The following NPAS2 variants were observed in gnomAD, a reference collection of about 807,000 sequenced individuals.
NPAS2 encodes the protein neuronal PAS domain-containing protein 2.
A neutral mutation model predicts 107.5 loss-of-function variants in NPAS2; 23 were observed. The observed-to-expected ratio is 0.21, with a 90% CI of 0.15 to 0.30. NPAS2 has a LOEUF of 0.30. Among genes scored for constraint, NPAS2 ranks in the 10% least tolerant of loss-of-function variants. The probability of loss-of-function intolerance (pLI) is 1.00; values close to 1 mark genes in which losing one functional copy is unlikely to be tolerated. For missense variants in NPAS2, 756 were observed against 1,043.3 expected (o/e 0.72, Z 3.79); for synonymous variants, 403 against 417.5 (o/e 0.97, Z 0.42).
In NPAS2 at chr2:100,925,894, T is replaced by C. The variant is rs138814175; in HGVS notation, c.181+600T>C. Among the ~76,000 whole-genome samples, 1,016 of 152,270 alleles carry C rather than the reference T, an allele frequency of 6.7e-3. 10 individuals are homozygous for C. The highest frequency in any genetic ancestry group is 0.023 in the African/African-American group (964 of 41,564). On this transcript the variant is annotated intron_variant, in intron 3 of 20. Coordinates refer to ENST00000335681, the MANE Select transcript of NPAS2 (RefSeq NM_002518.4). ...GTGTAACCATCACCACTCTCTAATT[T>C]CATCATGCCAAAAAAGAAACCCTGT...
rs561584873 is a variant in NPAS2, at chr2:100,888,909, C to T, written c.-22-15824C>T. ...GGGTGAATTATGCCTTAACTGGGGC[C>T]ACTTCTTTAGACATTTGCAGAAGGA... On this transcript the variant is annotated intron_variant, in intron 1 of 20. Transcript: ENST00000335681. Among the ~76,000 whole-genome samples the T allele has an allele frequency of 9.9e-4, 150 of 152,256 alleles. 1 individual carries two copies. Among genetic ancestry groups the T allele is most frequent in the African/African-American group, 3.4e-3 (142 of 41,548 alleles).
intron 1 of NPAS2, among the ~76,000 whole-genome samples, chr2:100,878,832 C>T (rs781751765): frequency 5.3e-5 from 8 of 152,052 alleles, no homozygotes; most frequent in Non-Finnish European, 8.8e-5. Flanking sequence ...AAGAAAATGC[C>T]TTCTGGCCAG....
intron 2 of NPAS2, among the ~76,000 whole-genome samples, chr2:100,920,012 T>G (rs1016235138): frequency 6.6e-6 from 1 of 152,180 alleles, no homozygotes; most frequent in Non-Finnish European, 1.5e-5. Flanking sequence ...CATTGCCGCC[T>G]CCTCCATATC....
intron 2 of NPAS2, among the ~76,000 whole-genome samples, chr2:100,916,623 G>T (rs1398279773): frequency 1.3e-5 from 2 of 152,136 alleles, no homozygotes; most frequent in African/African-American, 4.8e-5. Context: ...GAAGAAGTTA[G>T]ATGAGTCTTT....
intron 3 of NPAS2, among the ~76,000 whole-genome samples, chr2:100,929,613 G>A (rs183909584): frequency 3.9e-5 from 6 of 152,326 alleles, no homozygotes; most frequent in Admixed American, 2.0e-4. Flanking sequence ...TTGCAAGCCA[G>A]TTGACATCAA....
At chr2:100,915,082 C>T (rs897066983) in intron 2 of NPAS2, among the ~76,000 whole-genome samples, 3 of 152,176 alleles carry the variant, frequency 2.0e-5, no homozygotes, top group African/African-American at 4.8e-5. Flanking sequence ...TAAATCTGCC[C>T]TTTTTTGTTT....
At chr2:100,972,655 C>T (rs1178743394) in intron 12 of NPAS2, 1 of 152,244 alleles carries the variant, frequency 6.6e-6, no homozygotes, top group Non-Finnish European at 1.5e-5. Context: ...TGATAGGACG[C>T]AGCTGACATT....
chr2:100,851,854 G>A (rs772492588), intron 1 of NPAS2, among the ~76,000 whole-genome samples: 65 of 152,114 alleles, frequency 4.3e-4, no homozygotes, highest in Non-Finnish European at 7.5e-4. Flanking sequence ...TTTTGAATGA[G>A]TGAGTAGTCT....
At chr2:100,876,612 T>C (rs1435968085) in intron 1 of NPAS2, among the ~76,000 whole-genome samples, 5 of 152,216 alleles carry the variant, frequency 3.3e-5, no homozygotes, top group Non-Finnish European at 7.3e-5. Flanking sequence ...TGGTGACTCA[T>C]GAAGAGCTTA....
intron 2 of NPAS2, among the ~76,000 whole-genome samples, chr2:100,911,585 T>G (rs7570190): frequency 0.17 from 25,214 of 152,090 alleles, 2,196 homozygotes; most frequent in Middle Eastern, 0.27. Flanking sequence ...AGATAGCCAC[T>G]GTTAATATTA....
Position 100,975,477 on chromosome 2 carries a change from G to T in NPAS2, c.1302G>T (p.Met434Ile). The T allele has an allele frequency of 6.2e-7, 1 of 1,613,160 alleles. No individual in the cohort carries two copies. The highest frequency in any genetic ancestry group is 8.5e-7 in the Non-Finnish European group (1 of 1,179,540). Residue 434 changes from methionine to isoleucine, a missense_variant, in exon 14 of 21, where the codon ATG becomes ATT. Met to Ile is a conservative substitution (Grantham distance 10). This residue lies in a region of NPAS2 where 496 missense variants were observed against 594.4 expected (regional missense o/e 0.83). Coordinates refer to ENST00000335681, the MANE Select transcript of NPAS2 (RefSeq NM_002518.4). Reference protein sequence around the residue: ...SEPTSTPTKLMAEASTPALPR... With the variant: ...SEPTSTPTKLIAEASTPALPR... ...TTACAGCCACTCCCACCAAGCTGATGGCAGAGGCCAGCACCCCGGCTTTGC... is the reference window on the plus strand; with the variant it reads ...TTACAGCCACTCCCACCAAGCTGATTGCAGAGGCCAGCACCCCGGCTTTGC...
chr2:100,920,266 GTGT>G (rs1683137982), intron 2 of NPAS2, among the ~76,000 whole-genome samples: 1 of 152,172 alleles, frequency 6.6e-6, no homozygotes, highest in African/African-American at 2.4e-5. Context: ...ATAACGTACA[GTGT>G]TGTATATTTC....
At chr2:100,920,736 C>T (rs184599465) in intron 2 of NPAS2, among the ~76,000 whole-genome samples, 11 of 152,360 alleles carry the variant, frequency 7.2e-5, no homozygotes, top group Admixed American at 7.2e-4. Context: ...TGCACTGACT[C>T]TTCATGCTTC....
chr2:100,890,397 A>C (rs1573554692), intron 1 of NPAS2, among the ~76,000 whole-genome samples: 1 of 151,966 alleles, frequency 6.6e-6, no homozygotes, highest in Non-Finnish European at 1.5e-5. Flanking sequence ...GATAGTTTCT[A>C]CCCCTGAATG....
intron 18 of NPAS2, 121 bp from the exon 19 acceptor site, chr2:100,990,659 G>A (rs1232946955): frequency 4.7e-6 from 5 of 1,059,158 alleles, no homozygotes; most frequent in Non-Finnish European, 7.2e-6. Context: ...AATGAAGCCA[G>A]GAGAGTGGGG....
At chr2:100,929,900 C>T (rs1444691705) in intron 3 of NPAS2, among the ~76,000 whole-genome samples, 1 of 152,220 alleles carries the variant, frequency 6.6e-6, no homozygotes, top group African/African-American at 2.4e-5. Context: ...TATTATTTAG[C>T]TCTTTCCCCA....
At chr2:100,868,976 G>A (rs1475301416) in intron 1 of NPAS2, among the ~76,000 whole-genome samples, 2 of 152,096 alleles carry the variant, frequency 1.3e-5, no homozygotes, top group East Asian at 3.9e-4. Flanking sequence ...TCTGCACCCA[G>A]TCTGGAGTGC....
intron 2 of NPAS2, among the ~76,000 whole-genome samples, chr2:100,909,894 C>T (rs1250509869): frequency 6.6e-6 from 1 of 152,148 alleles, no homozygotes; most frequent in Admixed American, 6.5e-5. Context: ...AGGCAGAATG[C>T]TAATTCTTCC....
At chr2:100,822,702 G>C (rs1676147466) in intron 1 of NPAS2, 1 of 152,174 alleles carries the variant, frequency 6.6e-6, no homozygotes, top group African/African-American at 2.4e-5. Flanking sequence ...TTTAAAACAA[G>C]CATGTGTTTT....
Sources: allele counts gnomAD v4.1 joint callset (sites outside exome capture counted in the v4.1 genomes callset), GRCh38; gene constraint gnomAD v4.1.1; regional missense constraint gnomAD v4.1.1; transcripts MANE v1.5; gene names NCBI Gene and HGNC (gene_info 2026-07-23, HGNC 2026-07-21).